OSBPL8: variants seen among roughly 807,000 people sequenced by gnomAD.
OSBPL8 encodes the protein oxysterol binding protein like 8.
In OSBPL8, 59 loss-of-function variants were observed where a neutral mutation model predicts 125.5. The observed-to-expected ratio is 0.47, with a 90% CI of 0.38 to 0.58. The LOEUF (loss-of-function observed/expected upper bound fraction) is 0.58. Among genes scored for constraint, OSBPL8 ranks in the 20% least tolerant of loss-of-function variants. The pLI is 0.00. For synonymous variants in OSBPL8, 330 were observed against 338.9 expected, an observed-to-expected ratio of 0.97 and a Z score of 0.29; for missense variants, 758 against 1,047.8, an observed-to-expected ratio of 0.72 and a Z score of 3.82.
At chr12:76,508,064 G>A (rs1012331573) in intron 1 of OSBPL8, among the ~76,000 whole-genome samples, 3 of 151,422 alleles carry the variant, frequency 2.0e-5, no homozygotes, top group Non-Finnish European at 4.4e-5. Flanking sequence ...CCAGCTACTC[G>A]CAAGGCTGAG....
chr12:76,488,088 C>T (rs1878348003), intron 1 of OSBPL8, among the ~76,000 whole-genome samples: 1 of 151,998 alleles, frequency 6.6e-6, no homozygotes, highest in Non-Finnish European at 1.5e-5. Context: ...TAGAAATTTT[C>T]CCACAGATAT....
At chr12:76,371,333 A>G in intron 19 of OSBPL8, 115 bp downstream of exon 19, 8 of 1,146,754 alleles carry the variant, frequency 7.0e-6, no homozygotes, top group Non-Finnish European at 9.4e-6. Flanking sequence ...CACAAATGAT[A>G]AACTATTTTG....
At chr12:76,410,403 A>G (rs1954465162) in intron 5 of OSBPL8, among the ~76,000 whole-genome samples, 161 bp downstream of exon 5, 1 of 152,158 alleles carries the variant, frequency 6.6e-6, no homozygotes, top group Non-Finnish European at 1.5e-5. Flanking sequence ...CAATACTTAT[A>G]TTAGCCCCAA....
chr12:76,466,013 A>G (rs1244467675), intron 2 of OSBPL8, among the ~76,000 whole-genome samples: 2 of 152,272 alleles, frequency 1.3e-5, no homozygotes, highest in African/African-American at 4.8e-5. Flanking sequence ...AAAAAGAAAA[A>G]AAAAAAGTTC....
chr12:76,439,297 T>C (rs1281254861), intron 4 of OSBPL8, among the ~76,000 whole-genome samples: 3 of 152,086 alleles, frequency 2.0e-5, no homozygotes, highest in African/African-American at 4.8e-5. Context: ...GAGAATCGCT[T>C]GAACCCAGGA....
intron 4 of OSBPL8, among the ~76,000 whole-genome samples, chr12:76,411,904 A>T (rs1592631992): frequency 6.6e-6 from 1 of 152,286 alleles, no homozygotes; most frequent in East Asian, 1.9e-4. Flanking sequence ...GAGCAACTGA[A>T]ACTCTGTTCA....
chr12:76,360,625 T>C (rs534014596), intron 21 of OSBPL8, among the ~76,000 whole-genome samples: 2 of 152,368 alleles, frequency 1.3e-5, no homozygotes, highest in East Asian at 3.9e-4. Flanking sequence ...AGGTTCTTCA[T>C]GAGGGCCGTG....
At chr12:76,479,976 A>G (rs981964238) in intron 2 of OSBPL8, among the ~76,000 whole-genome samples, 1 of 151,892 alleles carries the variant, frequency 6.6e-6, no homozygotes, top group African/African-American at 2.4e-5. Flanking sequence ...AGACCAGCAT[A>G]ACCAACACGG....
chr12:76,439,051 A>G (rs1435438338), intron 4 of OSBPL8, among the ~76,000 whole-genome samples: 2 of 152,186 alleles, frequency 1.3e-5, no homozygotes, highest in South Asian at 2.1e-4. Flanking sequence ...CATAAAATAC[A>G]GGGGGAGGTG....
intron 1 of OSBPL8, among the ~76,000 whole-genome samples, chr12:76,528,824 A>G (rs1313529552): frequency 6.6e-6 from 1 of 152,186 alleles, no homozygotes; most frequent in East Asian, 1.9e-4. Context: ...ACTACACTGC[A>G]GCCTGGACAA....
chr12:76,386,190 T>A lies in OSBPL8; in HGVS notation c.1511A>T (p.Lys504Ile), dbSNP rs371602634. 25 of 1,612,016 alleles carry A rather than the reference T, an allele frequency of 1.6e-5. No individual in the cohort carries two copies. The highest frequency in any genetic ancestry group is 2.0e-5 in the Non-Finnish European group (24 of 1,179,192). ...TACCTGTTCAGCAATATAAAAAGTT[T>A]TGCTGTTTGTTCTGGGATGAATCCA... ...CLWIHPRTNS[K>I]TFYIAEQVSH... Residue 504 changes from lysine to isoleucine, a missense_variant, in exon 14 of 24, where the codon AAA becomes ATA. Lys to Ile is a moderately radical substitution (Grantham distance 102). Around this residue, in one of 3 missense-constraint regions of OSBPL8, gnomAD observed 572 missense variants for 762.0 expected, o/e 0.75. Transcript: ENST00000261183.
chr12:76,425,146 C>A (rs1869998865), intron 4 of OSBPL8, among the ~76,000 whole-genome samples: 1 of 152,066 alleles, frequency 6.6e-6, no homozygotes. Flanking sequence ...TGAAAGAAAA[C>A]AAGTTTCAAT....
At chr12:76,404,542 G>A (rs565130593) in intron 5 of OSBPL8, among the ~76,000 whole-genome samples, 4 of 151,658 alleles carry the variant, frequency 2.6e-5, no homozygotes, top group South Asian at 2.1e-4. Context: ...CACCTTCTCC[G>A]CCTCTTCTGC....
At chr12:76,368,761 A>AT (rs1952510975) in intron 21 of OSBPL8, among the ~76,000 whole-genome samples, 1 of 151,906 alleles carries the variant, frequency 6.6e-6, no homozygotes, top group African/African-American at 2.4e-5. Context: ...GTCTTTATTG[A>AT]TTTTCTCAGA....
At chr12:76,491,819 A>G (rs753391016) in intron 1 of OSBPL8, among the ~76,000 whole-genome samples, 1 of 152,238 alleles carries the variant, frequency 6.6e-6, no homozygotes, top group African/African-American at 2.4e-5. Context: ...TGATACTTGT[A>G]TTTGAATACT....
intron 3 of OSBPL8, among the ~76,000 whole-genome samples, chr12:76,454,308 G>A (rs1873754385): frequency 6.6e-6 from 1 of 152,126 alleles, no homozygotes; most frequent in Non-Finnish European, 1.5e-5. Flanking sequence ...ATAAATTCTG[G>A]CATATCCATA....
intron 4 of OSBPL8, among the ~76,000 whole-genome samples, chr12:76,439,001 T>C (rs1402080510): frequency 6.6e-6 from 1 of 152,196 alleles, no homozygotes. Flanking sequence ...AGTTCTAAGA[T>C]TTCACCAACT....
In OSBPL8 at chr12:76,354,086, C is replaced by A. The variant is rs1051458711; in HGVS notation, c.*1803G>T. 6.6e-6 allele frequency: 1 copy of A among 152,112 alleles called. No homozygotes were observed. Among genetic ancestry groups the A allele is most frequent in the African/African-American group, 2.4e-5 (1 of 41,322 alleles). The allele number at this position is 152,112 out of a possible 1,614,324, so 9.4% of individuals were successfully genotyped here. ...AAACCATAAAAAAGATCAAATTGTA[C>A]AATATTTACAGAATATCATATATCA... is the stretch of plus-strand genomic sequence containing the variant. On this transcript the variant is annotated 3_prime_UTR_variant, in exon 24 of 24. Coordinates refer to ENST00000261183, the MANE Select transcript of OSBPL8 (RefSeq NM_020841.5).
intron 3 of OSBPL8, among the ~76,000 whole-genome samples, chr12:76,458,167 G>C (rs1364209268): frequency 6.6e-6 from 1 of 152,142 alleles, no homozygotes; most frequent in Non-Finnish European, 1.5e-5. Flanking sequence ...AGCTACTCAG[G>C]AGGCTGAGGT....
Sources: gnomAD v4.1 joint callset for allele counts (sites outside exome capture counted in the v4.1 genomes callset) on GRCh38, gnomAD v4.1.1 for gene constraint, gnomAD v4.1.1 regional missense constraint, MANE v1.5 for transcripts, NCBI Gene and HGNC (gene_info 2026-07-23, HGNC 2026-07-21) for gene names.